IL1RAPL2: variants seen among roughly 807,000 people sequenced by gnomAD.
IL1RAPL2 encodes the protein X-linked interleukin-1 receptor accessory protein-like 2.
IL1RAPL2 carries 3 observed loss-of-function variants against 44.1 expected under a neutral mutation model. The ratio of observed to expected loss-of-function variants is 0.07; its 90% CI spans 0.03 to 0.18. The LOEUF is 0.18. Ranked by LOEUF, IL1RAPL2 falls within the 10% of genes least tolerant of loss-of-function variation. The pLI is 1.00. For synonymous variants in IL1RAPL2, 181 were observed against 178.8 expected, an observed-to-expected ratio of 1.01 and a Z score of -0.10; for missense variants, 391 against 496.4, an observed-to-expected ratio of 0.79 and a Z score of 2.02.
chrX:104,764,075 T>A (rs1383527589), intron 2 of IL1RAPL2, among the ~76,000 whole-genome samples: 4 of 111,512 alleles, frequency 3.6e-5, no homozygotes, highest in Non-Finnish European at 7.5e-5. Context: ...ATTTTAGGAT[T>A]TTTTTTTCTA....
At chrX:105,222,853 T>G (rs1408112509) in intron 3 of IL1RAPL2, among the ~76,000 whole-genome samples, 2 of 111,387 alleles carry the variant, frequency 1.8e-5, no homozygotes, top group African/African-American at 3.3e-5. Context: ...ATATTAACAT[T>G]AAAATACCTG....
chrX:105,745,259 G>C (rs1257590723), intron 8 of IL1RAPL2, among the ~76,000 whole-genome samples: 2 of 111,498 alleles, frequency 1.8e-5, no homozygotes, highest in Non-Finnish European at 3.8e-5. Flanking sequence ...GCCCTCACCA[G>C]AATTGCCCTT....
At chrX:104,656,096 C>T (rs1486975444) in intron 1 of IL1RAPL2, among the ~76,000 whole-genome samples, 3 of 110,776 alleles carry the variant, frequency 2.7e-5, no homozygotes, top group African/African-American at 9.8e-5. Context: ...AGTGGTCTAT[C>T]AATTTTTTTG....
intron 1 of IL1RAPL2, among the ~76,000 whole-genome samples, chrX:104,570,894 A>G (rs1928132604): frequency 9.1e-6 from 1 of 110,318 alleles, no homozygotes; most frequent in African/African-American, 3.3e-5. Flanking sequence ...TTCTGTTGTC[A>G]TGAAAATGTA....
At chrX:105,181,666 G>C (rs1466648526) in intron 2 of IL1RAPL2, among the ~76,000 whole-genome samples, 2 of 111,592 alleles carry the variant, frequency 1.8e-5, no homozygotes, top group African/African-American at 6.5e-5. Flanking sequence ...ATTGTGGTCT[G>C]AGAAGATATT....
At chrX:105,207,773 G>T (rs782235417) in intron 3 of IL1RAPL2, among the ~76,000 whole-genome samples, 2 of 111,888 alleles carry the variant, frequency 1.8e-5, no homozygotes, top group East Asian at 2.8e-4. Flanking sequence ...CCATACCAAG[G>T]ATCTTTGTAA....
In IL1RAPL2 at chrX:105,440,298, TA is replaced by T. The variant is rs1398982559; in HGVS notation, c.698-44014del. ...TGATGATAGCATTTTAAGCACTTGA[TA>T]TTTTTTTCTGGTGAAAAGATGGCAT... On this transcript the variant is annotated intron_variant, in intron 5 of 10. Coordinates refer to ENST00000372582, the MANE Select transcript of IL1RAPL2 (RefSeq NM_017416.2). 5.3e-5 allele frequency among the ~76,000 whole-genome samples: 6 copies of T among 112,359 alleles called. No homozygotes were observed. In the East Asian group the frequency reaches 1.1e-3, roughly 21 times the overall value.
intron 6 of IL1RAPL2, among the ~76,000 whole-genome samples, chrX:105,520,923 C>CT (rs1172515228): frequency 0.027 from 1,380 of 52,018 alleles, 212 homozygotes; most frequent in Non-Finnish European, 0.04. Context: ...TTCTTTCTTT[C>CT]TTTTTTTTTT....
At chrX:104,967,100 G>T (rs1350269274) in intron 2 of IL1RAPL2, among the ~76,000 whole-genome samples, 1 of 111,684 alleles carries the variant, frequency 9.0e-6, no homozygotes, top group Non-Finnish European at 1.9e-5. Flanking sequence ...GTAGTAATTA[G>T]AAAATACATA....
At chrX:104,791,137 T>C (rs1401392411) in intron 2 of IL1RAPL2, among the ~76,000 whole-genome samples, 1 of 109,697 alleles carries the variant, frequency 9.1e-6, no homozygotes, top group Non-Finnish European at 1.9e-5. Flanking sequence ...GAGAAAGAAA[T>C]AGCTTCTCTC....
intron 5 of IL1RAPL2, among the ~76,000 whole-genome samples, chrX:105,337,959 T>C (rs1290670448): frequency 9.0e-6 from 1 of 111,692 alleles, no homozygotes; most frequent in Non-Finnish European, 1.9e-5. Context: ...AAGAAGTACA[T>C]TTCCAAAAGT....
Position 105,109,931 on chromosome X carries a change from C to T in IL1RAPL2, c.83-85544C>T, listed in dbSNP as rs1416125101. On this transcript the variant is annotated intron_variant, in intron 2 of 10. Transcript: ENST00000372582. ...ACTTATTTCATGCAACTGCTTTTACCTCCTTAGGAACCGGCAACTGAAAGA... is the reference window on the plus strand; with the variant it reads ...ACTTATTTCATGCAACTGCTTTTACTTCCTTAGGAACCGGCAACTGAAAGA... Among the ~76,000 whole-genome samples the T allele has an allele frequency of 4.5e-5, 5 of 111,842 alleles. No homozygotes were observed. In the South Asian group the frequency reaches 1.1e-3, roughly 25 times the overall value.
intron 2 of IL1RAPL2, among the ~76,000 whole-genome samples, chrX:105,064,347 C>A (rs770137616): frequency 8.9e-6 from 1 of 112,541 alleles, no homozygotes; most frequent in Non-Finnish European, 1.9e-5. Flanking sequence ...ATGGGTAGTA[C>A]TGCCAGGCTG....
At chrX:104,996,668 T>TAAG in intron 2 of IL1RAPL2, among the ~76,000 whole-genome samples, 1 of 112,133 alleles carries the variant, frequency 8.9e-6, no homozygotes, top group Middle Eastern at 4.6e-3. Flanking sequence ...AAATGGTTAT[T>TAAG]AAGTGCTTAC....
chrX:104,621,534 C>A (rs1172891830), intron 1 of IL1RAPL2, among the ~76,000 whole-genome samples: 1 of 108,875 alleles, frequency 9.2e-6, no homozygotes, highest in African/African-American at 3.3e-5. Flanking sequence ...AGCAGAAATC[C>A]AGGCATTTGG....
intron 10 of IL1RAPL2, among the ~76,000 whole-genome samples, chrX:105,763,410 T>C (rs1193318652): frequency 9.0e-6 from 1 of 111,016 alleles, no homozygotes; most frequent in East Asian, 2.9e-4. Flanking sequence ...GTAAAAAATA[T>C]GAACTCTACC....
At chrX:104,900,082 A>G (rs1448969916) in intron 2 of IL1RAPL2, among the ~76,000 whole-genome samples, 1 of 111,916 alleles carries the variant, frequency 8.9e-6, no homozygotes, top group Non-Finnish European at 1.9e-5. Context: ...CTCAAGTGAT[A>G]AGACACAGCC....
chrX:105,335,454 T>C (rs898903204), intron 5 of IL1RAPL2, among the ~76,000 whole-genome samples: 2 of 111,219 alleles, frequency 1.8e-5, no homozygotes, highest in Non-Finnish European at 3.8e-5. Flanking sequence ...TTCAGATGAC[T>C]TTTTTCTTCT....
chrX:105,614,708 G>A (rs2037360642), intron 6 of IL1RAPL2, among the ~76,000 whole-genome samples: 1 of 111,616 alleles, frequency 9.0e-6, no homozygotes, highest in African/African-American at 3.3e-5. Flanking sequence ...TTAAATCGAA[G>A]GTCTCAACTT....
Sources: gnomAD v4.1 joint callset for allele counts (sites outside exome capture counted in the v4.1 genomes callset) on GRCh38, gnomAD v4.1.1 for gene constraint, MANE v1.5 for transcripts, NCBI Gene and HGNC (gene_info 2026-07-23, HGNC 2026-07-21) for gene names.